Variants in TCF7L2 observed in about 807,000 individuals in gnomAD.
The protein encoded by TCF7L2 is transcription factor 7-like 2.
In TCF7L2, 23 loss-of-function variants were observed where a neutral mutation model predicts 77.9. The ratio of observed to expected loss-of-function variants is 0.30; its 90% CI spans 0.21 to 0.42. The LOEUF is 0.42. Ranked by LOEUF, TCF7L2 falls within the 10% of genes least tolerant of loss-of-function variation. The pLI, the probability that TCF7L2 is intolerant of heterozygous loss-of-function variation, is 1.00. For missense variants in TCF7L2, 654 were observed against 793.1 expected (o/e 0.82, Z 2.11); for synonymous variants, 413 against 340.2 (o/e 1.21, Z -2.36).
At chr10:113,062,718 T>A (rs182894213) in intron 5 of TCF7L2, among the ~76,000 whole-genome samples, 45 of 152,258 alleles carry the variant, frequency 3.0e-4, no homozygotes, top group Admixed American at 2.9e-3. Flanking sequence ...CATTAAGTGT[T>A]TTAATATAAG....
chr10:113,153,488 G>A (rs2071194536), intron 11 of TCF7L2, among the ~76,000 whole-genome samples: 1 of 152,172 alleles, frequency 6.6e-6, no homozygotes, highest in Non-Finnish European at 1.5e-5. Flanking sequence ...CTCTCCCACT[G>A]GCATCATCCG....
At chr10:113,117,087 T>G (rs2063815070) in intron 5 of TCF7L2, among the ~76,000 whole-genome samples, 1 of 152,218 alleles carries the variant, frequency 6.6e-6, no homozygotes. Flanking sequence ...TTTCAGATTT[T>G]AGGTTTTAGA....
intron 11 of TCF7L2, among the ~76,000 whole-genome samples, chr10:113,156,607 C>T (rs1370741596): frequency 1.3e-5 from 2 of 152,208 alleles, no homozygotes; most frequent in Non-Finnish European, 2.9e-5. Flanking sequence ...TAGTCCAATC[C>T]GGAATGAGGC....
intron 4 of TCF7L2, among the ~76,000 whole-genome samples, chr10:112,973,071 G>GT (rs1316089186): frequency 1.3e-5 from 2 of 152,124 alleles, no homozygotes; most frequent in African/African-American, 4.8e-5. Flanking sequence ...GTGGGACCTG[G>GT]TAAAAAGTAC....
At chr10:113,135,708 C>A (rs1048012048) in intron 5 of TCF7L2, among the ~76,000 whole-genome samples, 3 of 152,176 alleles carry the variant, frequency 2.0e-5, no homozygotes, top group Non-Finnish European at 4.4e-5. Flanking sequence ...TGTCTTTACC[C>A]CTTCCATCCC....
At position 113,151,160 on chromosome 10, in the gene TCF7L2, G is replaced by T; in HGVS notation, c.1001+37G>T. The T allele has an allele frequency of 6.2e-7, 1 of 1,613,346 alleles. No individual in the cohort carries two copies. Among genetic ancestry groups the T allele is most frequent in the African/African-American group, 1.3e-5 (1 of 74,982 alleles). On this transcript the variant is annotated intron_variant, in intron 9 of 13. Coordinates refer to ENST00000627217, the MANE Select transcript of TCF7L2 (RefSeq NM_001146274.2). This position sits in a 1 kb window ranked among gnomAD's most constrained non-coding sequence, Gnocchi z 5.2. Reference sequence around the variant, plus strand: ...TGTTTTTCTCACCTTCTTCGTAGCCGCAGTGTTCTGCAAGCCTGTTGCAGC... The same window carrying T: ...TGTTTTTCTCACCTTCTTCGTAGCCTCAGTGTTCTGCAAGCCTGTTGCAGC...
At position 112,964,751 on chromosome 10, in the gene TCF7L2, G is replaced by GTGGTGGTGA. The variant is rs1328189389; in HGVS notation, c.450+136_450+144dup. On this transcript the variant is annotated intron_variant, in intron 4 of 13. Coordinates refer to ENST00000627217, the MANE Select transcript of TCF7L2 (RefSeq NM_001146274.2). ...GATGATGATGATGATGGTGGTGGTG[G>GTGGTGGTGA]TGGTGGTGATGGTGGTGGTGGTGGT... 2.4e-5 allele frequency: 21 copies of GTGGTGGTGA among 873,108 alleles called. No individual in the cohort carries two copies. The African/African-American group carries it at 4.0e-4, about 17-fold the overall frequency. The allele number at this position is 873,108 out of a possible 1,614,324, so 54.1% of individuals were successfully genotyped here.
intron 5 of TCF7L2, among the ~76,000 whole-genome samples, chr10:113,094,172 G>A (rs2060689239): frequency 6.6e-6 from 1 of 152,180 alleles, no homozygotes; most frequent in Non-Finnish European, 1.5e-5. Flanking sequence ...GAAATTTCAG[G>A]GAAGAAGAGA....
intron 5 of TCF7L2, among the ~76,000 whole-genome samples, chr10:113,051,203 CCACACACACACACACA>C (rs55771704): frequency 1.8e-4 from 25 of 140,488 alleles, no homozygotes; most frequent in African/African-American, 5.8e-4. Context: ...TGCATACACA[CCACACACACACACACA>C]CACACACACA....
chr10:113,090,702 C>T (rs771538676), intron 5 of TCF7L2, among the ~76,000 whole-genome samples: 10 of 152,292 alleles, frequency 6.6e-5, no homozygotes, highest in East Asian at 5.8e-4. Flanking sequence ...CTTCTGCCTC[C>T]GGTTTCAAGC....
rs374315484 is a variant in TCF7L2, at chr10:113,158,513, C to T, written c.1318+444C>T. Among the ~76,000 whole-genome samples, 7 of 152,288 alleles carry T rather than the reference C, an allele frequency of 4.6e-5. No individual in the cohort carries two copies. The South Asian group carries it at 1.4e-3, about 32-fold the overall frequency. On this transcript the variant is annotated intron_variant, in intron 12 of 13. Transcript: ENST00000627217. ...TGCATGCCTTTACAGTGGTAAATTA[C>T]ACCCATTTTAAATTAAGGAGGTTTG...
At chr10:113,041,109 T>C (rs2052367035) in intron 5 of TCF7L2, among the ~76,000 whole-genome samples, 1 of 152,260 alleles carries the variant, frequency 6.6e-6, no homozygotes, top group Admixed American at 6.5e-5. Context: ...GCTAACTGCC[T>C]CCTTATTTTG....
At chr10:113,007,454 C>T (rs561121746) in intron 4 of TCF7L2, among the ~76,000 whole-genome samples, 12 of 152,362 alleles carry the variant, frequency 7.9e-5, no homozygotes, top group African/African-American at 2.4e-4. Flanking sequence ...CCTCACCACA[C>T]TCAAAGCCTT....
intron 8 of TCF7L2, among the ~76,000 whole-genome samples, chr10:113,148,874 T>C (rs757195710): frequency 6.6e-6 from 1 of 152,190 alleles, no homozygotes; most frequent in Admixed American, 6.5e-5. Context: ...GCCTTCTTCA[T>C]GGCTGCATTA....
chr10:113,136,254 C>T (rs1020154251), intron 5 of TCF7L2, among the ~76,000 whole-genome samples: 1 of 152,162 alleles, frequency 6.6e-6, no homozygotes, highest in Non-Finnish European at 1.5e-5. Context: ...CATTAAACGG[C>T]GGCCACCCTG....
chr10:113,048,838 A>G (rs1486784612), intron 5 of TCF7L2, among the ~76,000 whole-genome samples: 2 of 152,216 alleles, frequency 1.3e-5, no homozygotes, highest in African/African-American at 2.4e-5. Flanking sequence ...TTGGAAATCT[A>G]GGACTTGATT....
At chr10:112,958,199 T>C (rs2034186614) in intron 3 of TCF7L2, among the ~76,000 whole-genome samples, 1 of 152,170 alleles carries the variant, frequency 6.6e-6, no homozygotes, top group African/African-American at 2.4e-5. Context: ...ATTCGACCTG[T>C]TATATTTTAT....
intron 5 of TCF7L2, among the ~76,000 whole-genome samples, chr10:113,042,070 T>G (rs1398517311): frequency 6.6e-6 from 1 of 152,178 alleles, no homozygotes. Context: ...TTTGTCCATT[T>G]GGATAGAGCA....
intron 5 of TCF7L2, chr10:113,126,041 G>A (rs1019207891): frequency 6.6e-6 from 1 of 151,290 alleles, no homozygotes; most frequent in African/African-American, 2.4e-5. Context: ...TAGAAGACGC[G>A]CAGCGGTGGT....
Sources: allele counts gnomAD v4.1 joint callset (sites outside exome capture counted in the v4.1 genomes callset), GRCh38; gene constraint gnomAD v4.1.1; non-coding constraint Gnocchi (gnomAD v3.1); transcripts MANE v1.5; gene names NCBI Gene and HGNC (gene_info 2026-07-23, HGNC 2026-07-21).